VPS13B: variants seen among roughly 807,000 people sequenced by gnomAD.
The protein encoded by VPS13B is vacuolar protein sorting 13 homolog B.
In VPS13B, 285 loss-of-function variants were observed where a neutral mutation model predicts 426.4. The ratio of observed to expected loss-of-function variants is 0.67; its 90% CI spans 0.61 to 0.74. The LOEUF is 0.74. VPS13B is among the 30% of genes least tolerant of loss of function. The probability of loss-of-function intolerance (pLI) is 0.00; values close to 1 mark genes in which losing one functional copy is unlikely to be tolerated. For missense variants in VPS13B, 4,537 were observed against 4,782.6 expected, an observed-to-expected ratio of 0.95 and a Z score of 1.51; for synonymous variants, 1,676 against 1,676.4, an observed-to-expected ratio of 1.00 and a Z score of 0.01.
chr8:99,658,911 G>T (rs1248336621), intron 34 of VPS13B, among the ~76,000 whole-genome samples: 1 of 152,124 alleles, frequency 6.6e-6, no homozygotes, highest in Non-Finnish European at 1.5e-5. Flanking sequence ...AACCTCCCAG[G>T]CTCAGGTGAT....
intron 58 of VPS13B, among the ~76,000 whole-genome samples, chr8:99,867,800 CTCT>C (rs935909375): frequency 6.6e-6 from 1 of 152,122 alleles, no homozygotes; most frequent in African/African-American, 2.4e-5. Flanking sequence ...TCAATAATTA[CTCT>C]TAAGTATTAA....
Position 99,255,969 on chromosome 8 carries a change from G to C in VPS13B, c.2516-18229G>C, listed in dbSNP as rs1817725059. ...AGAGTATGCTGAAGATGGAAGTCTA[G>C]GCTTCCCACTTGATCTTTGCTGTTG... On this transcript the variant is annotated intron_variant, in intron 17 of 61. Transcript: ENST00000357162. Among the ~76,000 whole-genome samples the C allele has an allele frequency of 1.3e-5, 2 of 152,130 alleles. 1 individual carries two copies. Among genetic ancestry groups the C allele is most frequent in the South Asian group, 4.1e-4 (2 of 4,824 alleles).
At chr8:99,026,634 G>A (rs1299302616) in intron 2 of VPS13B, among the ~76,000 whole-genome samples, 1 of 152,132 alleles carries the variant, frequency 6.6e-6, no homozygotes, top group Non-Finnish European at 1.5e-5. Context: ...CTAGTAGTGA[G>A]TGTGTATATA....
chr8:99,121,750 G>T, intron 8 of VPS13B: 1 of 418,446 alleles, frequency 2.4e-6, no homozygotes. Flanking sequence ...AAAAAAGAAA[G>T]GAACAGCAAA....
At chr8:99,689,684 G>A (rs892232977) in intron 35 of VPS13B, among the ~76,000 whole-genome samples, 1 of 152,140 alleles carries the variant, frequency 6.6e-6, no homozygotes, top group Non-Finnish European at 1.5e-5. Flanking sequence ...TAAGCAAGCA[G>A]CCAGAGTTAT....
chr8:99,284,370 T>C lies in VPS13B; in HGVS notation c.2824+9116T>C, dbSNP rs539104603. 2.0e-5 allele frequency among the ~76,000 whole-genome samples: 3 copies of C among 152,292 alleles called. No homozygotes were observed. The East Asian group carries it at 5.8e-4, about 29-fold the overall frequency. On this transcript the variant is annotated intron_variant, in intron 19 of 61. Transcript: ENST00000357162. ...TCATCTAACAAGTATTTATTGCCTATTTTTTGTGCGTAGAACTATAACGAT... is the reference window on the plus strand; with the variant it reads ...TCATCTAACAAGTATTTATTGCCTACTTTTTGTGCGTAGAACTATAACGAT...
chr8:99,726,876 A>T (rs1833372241), intron 39 of VPS13B, among the ~76,000 whole-genome samples: 1 of 152,214 alleles, frequency 6.6e-6, no homozygotes, highest in Admixed American at 6.5e-5. Flanking sequence ...GTTACCCAGT[A>T]TGAAGTATTT....
intron 60 of VPS13B, 199 bp downstream of exon 60, chr8:99,871,086 ACTC>A (rs1817384338): frequency 7.7e-6 from 5 of 649,012 alleles, no homozygotes; most frequent in South Asian, 3.6e-5. Flanking sequence ...TGGCTGCACA[ACTC>A]CTCTGTTCCG....
intron 17 of VPS13B, among the ~76,000 whole-genome samples, chr8:99,246,047 T>G (rs1392043683): frequency 2.6e-5 from 4 of 152,250 alleles, no homozygotes; most frequent in Non-Finnish European, 5.9e-5. Flanking sequence ...TTTTTGAGAC[T>G]GTGTCTCGCT....
chr8:99,474,866 T>C (rs571915839), intron 24 of VPS13B, among the ~76,000 whole-genome samples: 2 of 152,162 alleles, frequency 1.3e-5, no homozygotes, highest in African/African-American at 4.8e-5. Flanking sequence ...AACAAAAATA[T>C]ATATCCACAA....
chr8:99,356,676 A>G (rs929619615), intron 19 of VPS13B, among the ~76,000 whole-genome samples: 2 of 150,892 alleles, frequency 1.3e-5, no homozygotes, highest in African/African-American at 4.9e-5. Context: ...TATCTTTACC[A>G]TTTTTTTTTG....
At chr8:99,104,246 A>C (rs1261637278) in intron 5 of VPS13B, among the ~76,000 whole-genome samples, 1 of 152,174 alleles carries the variant, frequency 6.6e-6, no homozygotes, top group Admixed American at 6.5e-5. Context: ...TGTATCTAAA[A>C]ACAGAAAAGG....
chr8:99,499,706 C>T (rs1412468911), intron 25 of VPS13B, among the ~76,000 whole-genome samples: 3 of 152,024 alleles, frequency 2.0e-5, no homozygotes, highest in Non-Finnish European at 4.4e-5. Context: ...TTTGTAAAAG[C>T]ATTTATATGA....
At chr8:99,565,862 G>T (rs188155892) in intron 31 of VPS13B, among the ~76,000 whole-genome samples, 1 of 152,146 alleles carries the variant, frequency 6.6e-6, no homozygotes, top group Non-Finnish European at 1.5e-5. Context: ...GGGCACAGTG[G>T]TCTCTCACTA....
intron 23 of VPS13B, among the ~76,000 whole-genome samples, chr8:99,458,939 C>T (rs915168130): frequency 6.6e-6 from 1 of 152,124 alleles, no homozygotes; most frequent in Non-Finnish European, 1.5e-5. Context: ...TCCCATTTGT[C>T]AATTTTGGCT....
intron 33 of VPS13B, among the ~76,000 whole-genome samples, chr8:99,637,750 GA>G (rs1294681382): frequency 6.6e-6 from 1 of 152,102 alleles, no homozygotes; most frequent in Non-Finnish European, 1.5e-5. Flanking sequence ...TTTAAAGAGG[GA>G]GAGAGTAGAT....
intron 30 of VPS13B, among the ~76,000 whole-genome samples, chr8:99,531,060 G>A (rs1218713513): frequency 6.6e-6 from 1 of 152,126 alleles, no homozygotes; most frequent in Non-Finnish European, 1.5e-5. Context: ...CAAAAAACTA[G>A]TAAGTACCAT....
intron 35 of VPS13B, among the ~76,000 whole-genome samples, chr8:99,694,946 A>C (rs1022561554): frequency 7.4e-4 from 113 of 151,884 alleles, no homozygotes; most frequent in African/African-American, 2.6e-3. Flanking sequence ...CACATGAAAA[A>C]ATGCTCATCA....
rs201743982 is a variant in VPS13B, at chr8:99,115,771, G to A, written c.834G>A (p.Met278Ile). 1.9e-6 allele frequency: 3 copies of A among 1,613,640 alleles called. No homozygotes were observed. Among genetic ancestry groups the A allele is most frequent in the Admixed American group, 1.7e-5 (1 of 59,994 alleles). The change falls in exon 7 of 62, where the codon ATG becomes ATA. Residue 278 changes from methionine (M) to isoleucine (I), a missense_variant. Met to Ile is a conservative substitution (Grantham distance 10). Coordinates refer to ENST00000357162, the MANE Select transcript of VPS13B (RefSeq NM_152564.5). Reference protein sequence around the residue: ...DQQLPMFIRIMQLGIALYYGE... With the variant: ...DQQLPMFIRIIQLGIALYYGE... Reference sequence around the variant, plus strand: ...AACTGCCTATGTTTATTCGTATAATGCAACTTGGAATTGCTCTTTACTATG... The same window carrying A: ...AACTGCCTATGTTTATTCGTATAATACAACTTGGAATTGCTCTTTACTATG...
Sources: allele counts gnomAD v4.1 joint callset (sites outside exome capture counted in the v4.1 genomes callset), GRCh38; gene constraint gnomAD v4.1.1; transcripts MANE v1.5; gene names NCBI Gene and HGNC (gene_info 2026-07-23, HGNC 2026-07-21).